The following COL23A1 variants were observed in gnomAD, a reference collection of about 807,000 sequenced individuals.
The protein encoded by COL23A1 is collagen alpha-1(XXIII) chain.
Under a neutral mutation model 99.3 loss-of-function variants are expected in COL23A1, and 97 were observed. The observed-to-expected ratio is 0.98, with a 90% CI of 0.83 to 1.16. COL23A1 has a LOEUF of 1.16. Ranked by LOEUF, COL23A1 falls within the 50% of genes most tolerant of loss-of-function variation. COL23A1 has a pLI of 0.00. For missense variants in COL23A1, 762 were observed against 757.4 expected (o/e 1.01, Z -0.07); for synonymous variants, 320 against 308.2 (o/e 1.04, Z -0.40).
In COL23A1 at chr5:178,380,843, ACAGCCTTCCAGGG is replaced by A. The variant is rs1366339943; in HGVS notation, c.362-73937_362-73925del. On this transcript the variant is annotated intron_variant, in intron 2 of 28. Coordinates refer to ENST00000390654, the MANE Select transcript of COL23A1 (RefSeq NM_173465.4). ...CACAATATGAGTGCTTTCTGCCAGG[ACAGCCTTCCAGGG>A]CAGCGGGTGTGGGGACAGCTGAGGC... 5.3e-5 allele frequency among the ~76,000 whole-genome samples: 8 copies of A among 152,298 alleles called. No homozygotes were observed. The East Asian group carries it at 1.5e-3, about 29-fold the overall frequency.
chr5:178,499,765 C>T (rs567780855), intron 2 of COL23A1, among the ~76,000 whole-genome samples: 1 of 152,326 alleles, frequency 6.6e-6, no homozygotes, highest in East Asian at 1.9e-4. Flanking sequence ...TTCCTAGCAG[C>T]CTTCTTTGTA....
chr5:178,348,874 T>G (rs895979082), intron 2 of COL23A1, among the ~76,000 whole-genome samples: 1 of 152,008 alleles, frequency 6.6e-6, no homozygotes, highest in Non-Finnish European at 1.5e-5. Context: ...GGGAGGGAGA[T>G]CAAATTCAGG....
intron 2 of COL23A1, among the ~76,000 whole-genome samples, chr5:178,530,969 G>A (rs111404855): frequency 0.014 from 2,117 of 152,332 alleles, 54 homozygotes; most frequent in African/African-American, 0.048. Flanking sequence ...CTGGGTTCAT[G>A]AGATTCTCCT....
intron 2 of COL23A1, among the ~76,000 whole-genome samples, chr5:178,423,213 G>A (rs1765729539): frequency 6.6e-6 from 1 of 152,010 alleles, no homozygotes; most frequent in South Asian, 2.1e-4. Context: ...TTGAGCTCCT[G>A]GCCTCAAGTG....
At chr5:178,498,552 A>G (rs1262162625) in intron 2 of COL23A1, among the ~76,000 whole-genome samples, 1 of 152,044 alleles carries the variant, frequency 6.6e-6, no homozygotes, top group Non-Finnish European at 1.5e-5. Context: ...AATGAAAAGA[A>G]GGGAATATAA....
intron 2 of COL23A1, among the ~76,000 whole-genome samples, chr5:178,512,767 C>T (rs765016056): frequency 9.2e-5 from 14 of 152,202 alleles, no homozygotes; most frequent in Non-Finnish European, 1.9e-4. Context: ...CAGCCCCAAG[C>T]AGGCTTCGTC....
At chr5:178,585,984 A>T (rs1179165498) in intron 1 of COL23A1, among the ~76,000 whole-genome samples, 1 of 152,162 alleles carries the variant, frequency 6.6e-6, no homozygotes, top group African/African-American at 2.4e-5. Flanking sequence ...AATTAAAGAG[A>T]CAACCTCTCA....
At chr5:178,364,333 C>A (rs1762339676) in intron 2 of COL23A1, among the ~76,000 whole-genome samples, 1 of 143,976 alleles carries the variant, frequency 6.9e-6, no homozygotes, top group African/African-American at 2.5e-5. Flanking sequence ...ATCTGCTTGC[C>A]TCATTTCTAG....
chr5:178,409,259 C>T (rs944469716), intron 2 of COL23A1, among the ~76,000 whole-genome samples: 5 of 152,178 alleles, frequency 3.3e-5, no homozygotes, highest in Non-Finnish European at 7.3e-5. Flanking sequence ...TTGATACATC[C>T]AACTTGGGTG....
In COL23A1 at chr5:178,255,912, G is replaced by A. The variant is rs973781646; in HGVS notation, c.882+441C>T. 8 of 303,038 alleles carry A rather than the reference G, an allele frequency of 2.6e-5. No individual in the cohort carries two copies. The highest frequency in any genetic ancestry group is 2.0e-4 in the South Asian group (8 of 39,338). 18.8% of individuals were successfully genotyped at this position (303,038 alleles called of 1,614,324 possible). On this transcript the variant is annotated intron_variant, in intron 15 of 28. Transcript: ENST00000390654. This position sits in a 1 kb window ranked among gnomAD's most constrained non-coding sequence, Gnocchi z 4.2. ...ACCCTAAAGGTAAGGTATGTTGATA[G>A]GGGCTGGTCACAAAAGATCTGGGGC...
intron 2 of COL23A1, among the ~76,000 whole-genome samples, chr5:178,514,846 C>T (rs1333105724): frequency 6.6e-6 from 1 of 152,208 alleles, no homozygotes; most frequent in Admixed American, 6.5e-5. Context: ...TCCACAAATA[C>T]AAAGCACTGG....
At chr5:178,330,087 A>G (rs1759925235) in intron 2 of COL23A1, among the ~76,000 whole-genome samples, 1 of 152,160 alleles carries the variant, frequency 6.6e-6, no homozygotes, top group Admixed American at 6.5e-5. Flanking sequence ...GGAAGGTCCC[A>G]GGAGGGAGAG....
chr5:178,292,325 A>C (rs1001773602), intron 3 of COL23A1, among the ~76,000 whole-genome samples: 12 of 152,344 alleles, frequency 7.9e-5, no homozygotes, highest in Admixed American at 2.6e-4. Flanking sequence ...TGTATTGCCC[A>C]GAGCCTGGCC....
chr5:178,277,232 G>T (rs1296880986), intron 5 of COL23A1, among the ~76,000 whole-genome samples: 2 of 150,302 alleles, frequency 1.3e-5, no homozygotes, highest in Non-Finnish European at 3.0e-5. Context: ...TGGGTGTGGT[G>T]GCACATGCCT....
In COL23A1 at chr5:178,588,449, T is replaced by C. The variant is rs535244444; in HGVS notation, c.294+1455A>G. 3.7e-4 allele frequency among the ~76,000 whole-genome samples: 57 copies of C among 152,354 alleles called. 2 individuals are homozygous for C. The South Asian group carries it at 5.8e-3, about 16-fold the overall frequency. ...CTATGAGAAAGAGCAGCCACACTTATAGCGCTAACAGGTAGAAACTTTACT... is the reference window on the plus strand; with the variant it reads ...CTATGAGAAAGAGCAGCCACACTTACAGCGCTAACAGGTAGAAACTTTACT... On this transcript the variant is annotated intron_variant, in intron 1 of 28. Transcript: ENST00000390654.
chr5:178,579,876 G>A (rs1763572171), intron 1 of COL23A1, among the ~76,000 whole-genome samples: 2 of 152,258 alleles, frequency 1.3e-5, no homozygotes, highest in African/African-American at 4.8e-5. Context: ...TCTGCCATGA[G>A]GCTGTGGAAA....
At chr5:178,515,725 TTCCTG>T (rs1759467093) in intron 2 of COL23A1, among the ~76,000 whole-genome samples, 1 of 152,120 alleles carries the variant, frequency 6.6e-6, no homozygotes, top group Non-Finnish European at 1.5e-5. Context: ...AGCCCTCAGC[TTCCTG>T]CACACTCAGG....
chr5:178,523,395 C>G (rs2048917326), intron 2 of COL23A1: 1 of 139,806 alleles, frequency 7.2e-6, no homozygotes, highest in African/African-American at 2.7e-5. Context: ...CCACTGCACT[C>G]CAGCCTGGGC....
intron 2 of COL23A1, among the ~76,000 whole-genome samples, chr5:178,326,255 T>C (rs1759646566): frequency 6.6e-6 from 1 of 152,204 alleles, no homozygotes; most frequent in South Asian, 2.1e-4. Context: ...TCTTGTCTCC[T>C]ACGCACTTTA....
Sources: gnomAD v4.1 joint callset for allele counts (sites outside exome capture counted in the v4.1 genomes callset) on GRCh38, gnomAD v4.1.1 for gene constraint, Gnocchi (gnomAD v3.1) non-coding constraint, MANE v1.5 for transcripts, NCBI Gene and HGNC (gene_info 2026-07-23, HGNC 2026-07-21) for gene names.